The following PDE4D variants were observed in gnomAD, a reference collection of about 807,000 sequenced individuals.
PDE4D encodes 3',5'-cyclic-AMP phosphodiesterase 4D.
PDE4D carries 24 observed loss-of-function variants against 87.4 expected under a neutral mutation model. The observed-to-expected ratio is 0.27, with a 90% CI of 0.20 to 0.39. PDE4D has a LOEUF of 0.39. PDE4D is among the 10% of genes least tolerant of loss of function. PDE4D has a pLI of 1.00. For synonymous variants in PDE4D, 384 were observed against 383.2 expected, an observed-to-expected ratio of 1.00 and a Z score of -0.02; for missense variants, 714 against 1,041.0, an observed-to-expected ratio of 0.69 and a Z score of 4.32.
chr5:59,061,424 A>G (rs11955850), intron 5 of PDE4D, among the ~76,000 whole-genome samples: 1,675 of 152,194 alleles, frequency 0.011, 34 homozygotes, highest in African/African-American at 0.038. Flanking sequence ...AGTGCCCCTC[A>G]ATATAAATCT....
chr5:59,353,249 AT>A (rs1780814723), intron 1 of PDE4D, among the ~76,000 whole-genome samples: 1 of 152,108 alleles, frequency 6.6e-6, no homozygotes, highest in Non-Finnish European at 1.5e-5. Context: ...GCAATAATAT[AT>A]TTTAAATCAC....
intron 5 of PDE4D, among the ~76,000 whole-genome samples, chr5:59,095,678 A>T (rs1319190485): frequency 6.6e-6 from 1 of 152,202 alleles, no homozygotes; most frequent in Admixed American, 6.5e-5. Context: ...AATTACCCAG[A>T]CTACCAGGAC....
chr5:59,618,154 A>G (rs1054149872), intron 1 of PDE4D, among the ~76,000 whole-genome samples: 1 of 152,206 alleles, frequency 6.6e-6, no homozygotes, highest in African/African-American at 2.4e-5. Context: ...TGGGAGAGAG[A>G]AGTAAATCAA....
chr5:59,117,012 A>G (rs1425993871), intron 5 of PDE4D, among the ~76,000 whole-genome samples: 1 of 152,212 alleles, frequency 6.6e-6, no homozygotes, highest in African/African-American at 2.4e-5. Context: ...TAACAGCAAG[A>G]CTAAATACCA....
At chr5:59,817,005 G>A (rs2152684553) in intron 1 of PDE4D, among the ~76,000 whole-genome samples, 1 of 152,302 alleles carries the variant, frequency 6.6e-6, no homozygotes, top group South Asian at 2.1e-4. Context: ...TCTCACAGGG[G>A]TAAGTGAGCA....
At chr5:59,550,251 T>A (rs1817894081) in intron 1 of PDE4D, among the ~76,000 whole-genome samples, 1 of 152,162 alleles carries the variant, frequency 6.6e-6, no homozygotes, top group African/African-American at 2.4e-5. Flanking sequence ...TGATAACATA[T>A]CAAGGTATAT....
intron 1 of PDE4D, among the ~76,000 whole-genome samples, chr5:59,462,740 C>T (rs1266504333): frequency 6.6e-6 from 1 of 152,026 alleles, no homozygotes; most frequent in Non-Finnish European, 1.5e-5. Flanking sequence ...GGATTTAAAC[C>T]CTTCAATGAT....
intron 2 of PDE4D, among the ~76,000 whole-genome samples, chr5:59,992,346 C>T (rs916482729): frequency 1.3e-5 from 2 of 152,144 alleles, no homozygotes; most frequent in Admixed American, 1.3e-4. Flanking sequence ...CTTCCTTGCT[C>T]CTCAGCTTAC....
intron 4 of PDE4D, among the ~76,000 whole-genome samples, chr5:59,183,165 AC>A (rs1211020329): frequency 6.6e-6 from 1 of 152,172 alleles, no homozygotes; most frequent in Non-Finnish European, 1.5e-5. Context: ...CTATTCTGAT[AC>A]CCAAAGAAGC....
intron 1 of PDE4D, among the ~76,000 whole-genome samples, chr5:60,410,198 T>C (rs1427759457): frequency 6.6e-6 from 1 of 152,098 alleles, no homozygotes; most frequent in East Asian, 1.9e-4. Context: ...GCAAATAATG[T>C]GATGGCACCC....
Position 58,972,296 on chromosome 5 carries a change from G to A in PDE4D, c.*2368C>T, listed in dbSNP as rs374170854. On this transcript the variant is annotated 3_prime_UTR_variant, in exon 15 of 15. Transcript: ENST00000340635. Reference sequence around the variant, plus strand: ...TGTGAAACTACTTGGTCAAACATACGTCTTTATTTTTTTCTTATTTGAAAG... The same window carrying A: ...TGTGAAACTACTTGGTCAAACATACATCTTTATTTTTTTCTTATTTGAAAG... The A allele has an allele frequency of 3.9e-5, 6 of 152,624 alleles. No individual in the cohort carries two copies. In the South Asian group the frequency reaches 1.0e-3, roughly 26 times the overall value. The allele number at this position is 152,624 out of a possible 1,614,324, so 9.5% of individuals were successfully genotyped here. A position where few individuals can be genotyped will look rare whatever the true frequency, so the allele number is the denominator to read the frequency against.
chr5:59,943,898 C>T (rs1274629757), intron 3 of PDE4D, among the ~76,000 whole-genome samples: 2 of 152,138 alleles, frequency 1.3e-5, no homozygotes, highest in African/African-American at 4.8e-5. Context: ...TTATACTATA[C>T]CCCAGGGACT....
At chr5:59,405,552 T>C (rs1177766357) in intron 1 of PDE4D, among the ~76,000 whole-genome samples, 3 of 152,194 alleles carry the variant, frequency 2.0e-5, no homozygotes, top group African/African-American at 7.2e-5. Flanking sequence ...CTTTCCAATT[T>C]GAATATCCTT....
intron 2 of PDE4D, among the ~76,000 whole-genome samples, chr5:59,211,548 C>T (rs1042157884): frequency 6.6e-6 from 1 of 152,012 alleles, no homozygotes; most frequent in African/African-American, 2.4e-5. Flanking sequence ...ACTTTGTTTA[C>T]AATGGCATTA....
At chr5:60,167,515 G>T (rs543507820) in intron 2 of PDE4D, among the ~76,000 whole-genome samples, 2 of 152,030 alleles carry the variant, frequency 1.3e-5, no homozygotes, top group South Asian at 2.1e-4. Flanking sequence ...TGATCCGCCC[G>T]CCTCGGCCTG....
At chr5:59,058,344 G>C (rs1177310636) in intron 5 of PDE4D, among the ~76,000 whole-genome samples, 1 of 152,108 alleles carries the variant, frequency 6.6e-6, no homozygotes, top group East Asian at 1.9e-4. Context: ...GAGAGTGACT[G>C]TTCTCCATGC....
intron 1 of PDE4D, among the ~76,000 whole-genome samples, chr5:60,337,351 C>CAAAATATATATATA (rs1491477498): frequency 1.0e-3 from 63 of 62,246 alleles, no homozygotes; most frequent in Non-Finnish European, 1.4e-3. Flanking sequence ...AACAAACAAA[C>CAAAATATATATATA]TATATATATA....
At chr5:59,491,563 T>C (rs975600722) in intron 1 of PDE4D, among the ~76,000 whole-genome samples, 2 of 152,194 alleles carry the variant, frequency 1.3e-5, no homozygotes, top group African/African-American at 4.8e-5. Flanking sequence ...TGTAGTCTCA[T>C]TGTGAATAGT....
At position 59,649,492 on chromosome 5, in the gene PDE4D, T is replaced by C. The variant is rs142322835; in HGVS notation, c.455+243676A>G. 1.5e-4 allele frequency among the ~76,000 whole-genome samples: 23 copies of C among 151,982 alleles called. No individual in the cohort carries two copies. The East Asian group carries it at 3.3e-3, about 22-fold the overall frequency. Reference sequence around the variant, plus strand: ...AGCAACAGGGAGCCAGAAGAAGGAATTGAAATGAGTAATGGGAAGCCAGAA... The same window carrying C: ...AGCAACAGGGAGCCAGAAGAAGGAACTGAAATGAGTAATGGGAAGCCAGAA... On this transcript the variant is annotated intron_variant, in intron 1 of 14. Coordinates refer to ENST00000340635, the MANE Select transcript of PDE4D (RefSeq NM_001104631.2).
Sources: gnomAD v4.1 joint callset for allele counts (sites outside exome capture counted in the v4.1 genomes callset) on GRCh38, gnomAD v4.1.1 for gene constraint, MANE v1.5 for transcripts, NCBI Gene and HGNC (gene_info 2026-07-23, HGNC 2026-07-21) for gene names.